The following PCDHGA5 variants were observed in gnomAD, a reference collection of about 807,000 sequenced individuals.
The protein encoded by PCDHGA5 is protocadherin gamma subfamily A, 5, also known as protocadherin gamma-A5.
A neutral mutation model predicts 56.7 loss-of-function variants in PCDHGA5; 36 were observed. The observed-to-expected ratio is 0.64, with a 90% confidence interval of 0.49 to 0.84. PCDHGA5 has a LOEUF of 0.84. PCDHGA5 is among the 40% of genes least tolerant of loss of function. PCDHGA5 has a pLI of 0.00. For missense variants in PCDHGA5, 1,305 were observed against 1,201.5 expected (o/e 1.09, Z -1.27); for synonymous variants, 563 against 520.2 (o/e 1.08, Z -1.12).
chr5:141,466,020 G>A (rs973577698), intron 1 of PCDHGA5, among the ~76,000 whole-genome samples: 2 of 151,974 alleles, frequency 1.3e-5, no homozygotes, highest in South Asian at 4.1e-4. Context: ...TACTCGGGAG[G>A]GTGAGGCAGG....
intron 2 of PCDHGA5, among the ~76,000 whole-genome samples, chr5:141,500,023 G>C (rs1393994881): frequency 1.3e-5 from 2 of 151,754 alleles, no homozygotes; most frequent in Admixed American, 6.6e-5. Flanking sequence ...TTTTATATTT[G>C]AGTGAGTGTC....
intron 1 of PCDHGA5, among the ~76,000 whole-genome samples, chr5:141,475,231 G>A (rs1188161872): frequency 6.6e-6 from 1 of 152,190 alleles, no homozygotes; most frequent in Admixed American, 6.5e-5. Flanking sequence ...AAAGGGAAAC[G>A]ATAGAGAGAG....
At chr5:141,448,926 C>T (rs528128105) in intron 1 of PCDHGA5, among the ~76,000 whole-genome samples, 5 of 152,256 alleles carry the variant, frequency 3.3e-5, no homozygotes, top group African/African-American at 9.6e-5. Context: ...GCCTGGGCGA[C>T]AGAGCAAGAC....
chr5:141,384,553 G>A (rs756336021), intron 1 of PCDHGA5: 3 of 1,614,152 alleles, frequency 1.9e-6, no homozygotes, highest in Admixed American at 1.7e-5. Context: ...GAGCCTGTTC[G>A]TGCTGGACCA....
intron 1 of PCDHGA5, chr5:141,430,959 T>A: frequency 6.2e-7 from 1 of 1,612,026 alleles, no homozygotes; most frequent in Non-Finnish European, 8.5e-7. Flanking sequence ...GTCCGCATCA[T>A]CCCCAGAGGT....
intron 1 of PCDHGA5, chr5:141,387,654 G>A: frequency 1.6e-6 from 1 of 644,700 alleles, no homozygotes. Context: ...AAAGTGGAGA[G>A]CTTGGCGCTC....
At position 141,376,627 on chromosome 5, in the gene PCDHGA5, A is replaced by G. The variant is rs183524096; in HGVS notation, c.2421+9876A>G. On this transcript the variant is annotated intron_variant, in intron 1 of 3. Transcript: ENST00000518069. ...AGCGAACCTCTTTTGGTACAGGAAG[A>G]TTCGTGATTTTGTAAAGTGGAAGAC... 863 of 1,127,968 alleles carry G rather than the reference A, an allele frequency of 7.7e-4. 3 individuals carry two copies. Among genetic ancestry groups the G allele is most frequent in the Middle Eastern group, 3.8e-3 (17 of 4,452 alleles). The allele number at this position is 1,127,968 out of a possible 1,614,324, so 69.9% of individuals were successfully genotyped here. A position where few individuals can be genotyped will look rare whatever the true frequency, so the allele number is the denominator to read the frequency against.
intron 1 of PCDHGA5, chr5:141,422,258 A>G (rs2096637047): frequency 6.4e-7 from 1 of 1,565,282 alleles, no homozygotes; most frequent in East Asian, 2.2e-5. Flanking sequence ...GTGAATGATA[A>G]CGCTCCAGAA....
chr5:141,374,030 T>G, intron 1 of PCDHGA5: 1 of 1,430,454 alleles, frequency 7.0e-7, no homozygotes. Context: ...GCAAAAGTGA[T>G]GCAGATCTGT....
rs756742340 is a variant in PCDHGA5, at chr5:141,366,531, G to A, written c.2201G>A (p.Gly734Asp). 11 of 1,614,152 alleles carry A rather than the reference G, an allele frequency of 6.8e-6. No individual in the cohort carries two copies. The Admixed American group carries it at 1.5e-4, about 22-fold the overall frequency. Residue 734 changes from glycine to aspartate, a missense_variant, in exon 1 of 4, where the codon GGT (glycine) becomes GAT (aspartate). Gly to Asp is a moderately conservative substitution (Grantham distance 94). Coordinates refer to ENST00000518069, the MANE Select transcript of PCDHGA5 (RefSeq NM_018918.3). The part of the protein sequence containing the change: ...LLQAEGSRLA[G>D]VPASHFVGVD... The stretch of plus-strand genomic sequence containing the variant: ...CAGGCTGAAGGCAGCAGGTTGGCGG[G>A]TGTGCCCGCCTCGCACTTTGTGGGC...
intron 1 of PCDHGA5, chr5:141,428,256 T>A: frequency 1.2e-6 from 1 of 863,822 alleles, no homozygotes; most frequent in Non-Finnish European, 1.9e-6. Flanking sequence ...CAGACTTCAG[T>A]GACAGTCCTG....
intron 1 of PCDHGA5, chr5:141,385,163 A>T: frequency 6.2e-7 from 1 of 1,614,182 alleles, no homozygotes; most frequent in Non-Finnish European, 8.5e-7. Flanking sequence ...ACCTATTCCC[A>T]TGAGGTCTCC....
rs368927472 is a variant in PCDHGA5 at position 141,490,874 on chromosome 5, A to G, written c.2422-3933A>G. The G allele has an allele frequency of 2.4e-5, 39 of 1,613,830 alleles. No individual in the cohort carries two copies. Among genetic ancestry groups the G allele is most frequent in the Non-Finnish European group, 3.1e-5 (36 of 1,179,960 alleles). ...CGAGACTCCGGCTCTCCCCCATTGCATGCCAACACATCTCTGCATGTGTTT... is the reference window on the plus strand; with the variant it reads ...CGAGACTCCGGCTCTCCCCCATTGCGTGCCAACACATCTCTGCATGTGTTT... On this transcript the variant is annotated intron_variant, in intron 1 of 3. Transcript: ENST00000518069. This position sits in a 1 kb window ranked among gnomAD's most constrained non-coding sequence, Gnocchi z 5.4.
chr5:141,415,730 G>A lies in PCDHGA5; in HGVS notation c.2421+48979G>A. On this transcript the variant is annotated intron_variant, in intron 1 of 3. Transcript: ENST00000518069. Reference sequence around the variant, plus strand: ...AAAACACTGATGAGTAGAATTTGATGTTTATTAAGGTTTTTTTTTTTTTTT... The same window carrying A: ...AAAACACTGATGAGTAGAATTTGATATTTATTAAGGTTTTTTTTTTTTTTT... 4 of 476,826 alleles carry A rather than the reference G, an allele frequency of 8.4e-6. No individual in the cohort carries two copies. The South Asian group carries it at 2.0e-4, about 24-fold the overall frequency. The allele number at this position is 476,826 out of a possible 1,614,324, so 29.5% of individuals were successfully genotyped here. A position where few individuals can be genotyped will look rare whatever the true frequency, so the allele number is the denominator to read the frequency against.
intron 1 of PCDHGA5, chr5:141,392,938 G>T: frequency 6.2e-7 from 1 of 1,613,954 alleles, no homozygotes; most frequent in Non-Finnish European, 8.5e-7. Flanking sequence ...ACGGACAAAG[G>T]CTCCTTCGTG....
rs930695301 is a variant in PCDHGA5, at chr5:141,472,874, T to C, written c.2422-21933T>C. On this transcript the variant is annotated intron_variant, in intron 1 of 3. Coordinates refer to ENST00000518069, the MANE Select transcript of PCDHGA5 (RefSeq NM_018918.3). ...GGTGGCACATGCCTGTATTCCCAGC[T>C]ACTCGGGAGGCTGAGGCAGGAGAAT... Among the ~76,000 whole-genome samples, 5 of 150,448 alleles carry C rather than the reference T, an allele frequency of 3.3e-5. No homozygotes were observed. In the Admixed American group the frequency reaches 3.3e-4, roughly 10 times the overall value.
intron 1 of PCDHGA5, chr5:141,371,955 GA>G: frequency 6.2e-7 from 1 of 1,613,258 alleles, no homozygotes; most frequent in Non-Finnish European, 8.5e-7. Flanking sequence ...GCGAGCCTTC[GA>G]CCACGAGCAG....
intron 1 of PCDHGA5, chr5:141,372,773 T>A: frequency 6.2e-7 from 1 of 1,610,720 alleles, no homozygotes; most frequent in East Asian, 2.2e-5. Flanking sequence ...GTAATGACAA[T>A]CCAGAAATGC....
intron 1 of PCDHGA5, chr5:141,384,877 C>T (rs2150276041): frequency 6.2e-7 from 1 of 1,613,844 alleles, no homozygotes; most frequent in African/African-American, 1.3e-5. Context: ...CACCGTCACA[C>T]TCACCGTGGC....
Sources: gnomAD v4.1 joint callset for allele counts (sites outside exome capture counted in the v4.1 genomes callset) on GRCh38, gnomAD v4.1.1 for gene constraint, Gnocchi (gnomAD v3.1) non-coding constraint, MANE v1.5 for transcripts, NCBI Gene and HGNC (gene_info 2026-07-23, HGNC 2026-07-21) for gene names.